WDR47: variants seen among roughly 807,000 people sequenced by gnomAD.
WDR47 encodes the protein WD repeat domain 47, also known as WD repeat-containing protein 47.
A neutral mutation model predicts 97.2 loss-of-function variants in WDR47; 32 were observed. That is an observed-to-expected ratio of 0.33 (90% CI 0.25 to 0.44). The LOEUF is 0.44. Among genes scored for constraint, WDR47 ranks in the 20% least tolerant of loss-of-function variants. The pLI is 1.00. For missense variants in WDR47, 782 were observed against 1,102.3 expected (o/e 0.71, Z 4.11); for synonymous variants, 375 against 373.5 (o/e 1.00, Z -0.05).
intron 7 of WDR47, among the ~76,000 whole-genome samples, chr1:108,998,057 G>C (rs946038539): frequency 1.3e-5 from 2 of 152,138 alleles, no homozygotes; most frequent in African/African-American, 4.8e-5. Context: ...ATATTTATCA[G>C]TTAAAAATTA....
At chr1:108,987,603 G>C (rs1375781007) in intron 9 of WDR47, among the ~76,000 whole-genome samples, 3 of 152,044 alleles carry the variant, frequency 2.0e-5, no homozygotes, top group Non-Finnish European at 4.4e-5. Context: ...GAGCAACTGT[G>C]ATTACAGGTA....
chr1:108,980,738 A>C (rs905174530), intron 13 of WDR47, among the ~76,000 whole-genome samples: 12 of 151,658 alleles, frequency 7.9e-5, no homozygotes, highest in Non-Finnish European at 1.0e-4. Context: ...CAACAACAAC[A>C]ACAACAAAAA....
intron 1 of WDR47, among the ~76,000 whole-genome samples, chr1:109,029,510 A>C (rs1662462889): frequency 6.6e-6 from 1 of 151,880 alleles, no homozygotes; most frequent in Non-Finnish European, 1.5e-5. Flanking sequence ...AAATACAAAA[A>C]TTAGCCGGGC....
At chr1:108,982,174 T>G (rs1239974891) in intron 12 of WDR47, among the ~76,000 whole-genome samples, 1 of 152,120 alleles carries the variant, frequency 6.6e-6, no homozygotes, top group Non-Finnish European at 1.5e-5. Flanking sequence ...TAGAGATTTT[T>G]CACATTTATC....
intron 5 of WDR47, among the ~76,000 whole-genome samples, chr1:109,008,273 CT>C (rs200754295): frequency 1.8e-4 from 27 of 148,922 alleles, no homozygotes; most frequent in Non-Finnish European, 2.4e-4. Flanking sequence ...TCCTATACTT[CT>C]TTTTTTTTTG....
chr1:108,994,908 G>A (rs1571176289), intron 8 of WDR47, among the ~76,000 whole-genome samples: 1 of 152,086 alleles, frequency 6.6e-6, no homozygotes. Flanking sequence ...TATTTATAAA[G>A]TGAATTCCTA....
chr1:108,995,228 G>GA (rs1225311028), intron 8 of WDR47, among the ~76,000 whole-genome samples: 2 of 152,146 alleles, frequency 1.3e-5, no homozygotes, highest in Non-Finnish European at 2.9e-5. Context: ...TCTATGCCCT[G>GA]AAAGTCTGAA....
At chr1:108,971,788 CCTCT>C (rs139269353) in intron 14 of WDR47, among the ~76,000 whole-genome samples, 12 of 148,550 alleles carry the variant, frequency 8.1e-5, no homozygotes, top group African/African-American at 2.7e-4. Context: ...TGACAAGTTG[CCTCT>C]CTCTCTCTCT....
chr1:109,002,433 T>C, intron 6 of WDR47, 31 bp from the exon 7 acceptor site: 1 of 1,487,922 alleles, frequency 6.7e-7, no homozygotes, highest in Non-Finnish European at 9.0e-7. Flanking sequence ...ACATATATAT[T>C]TGAGCAAACT....
At chr1:109,015,982 C>CAAA (rs67794185) in intron 3 of WDR47, among the ~76,000 whole-genome samples, 3 of 98,976 alleles carry the variant, frequency 3.0e-5, no homozygotes, top group Non-Finnish European at 4.1e-5. Flanking sequence ...GACTCCATCT[C>CAAA]AAAAAAAAAA....
chr1:108,995,736 G>C lies in WDR47; in HGVS notation c.1535C>G (p.Ser512Cys). 3 of 1,614,128 alleles carry C rather than the reference G, an allele frequency of 1.9e-6. No individual in the cohort carries two copies. The South Asian group carries it at 3.3e-5, about 18-fold the overall frequency. The change falls in exon 8 of 15, where the codon TCT becomes TGT. Residue 512 changes from serine (S) to cysteine (C), a missense_variant. Physicochemically the swap from Ser to Cys is moderately radical, Grantham distance 112. Coordinates refer to ENST00000369962, the MANE Select transcript of WDR47 (RefSeq NM_001142551.2). ...QQCNGSKGNG[S>C]NGSSVTSFTT... ...AAAACTAGTCACAGAAGAACCATTA[G>C]ATCCATTGCCTTTGCTCCCATTACA...
intron 6 of WDR47, among the ~76,000 whole-genome samples, chr1:109,003,391 ATT>A (rs918462455): frequency 6.6e-6 from 1 of 151,618 alleles, no homozygotes. Context: ...TTTAATTTTA[ATT>A]TTTTTCTTGC....
rs573645353 is a variant in WDR47 at position 109,025,204 on chromosome 1, G to A, written c.-9-1683C>T. Among the ~76,000 whole-genome samples the A allele has an allele frequency of 4.6e-5, 7 of 152,138 alleles. No individual in the cohort carries two copies. In the East Asian group the frequency reaches 5.8e-4, roughly 13 times the overall value. Reference sequence around the variant, plus strand: ...TGTAGTTCCAGCACTTTGAGAGGTCGAGGTGGGAGGATCACATGAGCCCAG... The same window carrying A: ...TGTAGTTCCAGCACTTTGAGAGGTCAAGGTGGGAGGATCACATGAGCCCAG... On this transcript the variant is annotated intron_variant, in intron 1 of 14. Coordinates refer to ENST00000369962, the MANE Select transcript of WDR47 (RefSeq NM_001142551.2).
At chr1:109,002,808 C>T (rs1660317363) in intron 6 of WDR47, among the ~76,000 whole-genome samples, 1 of 152,084 alleles carries the variant, frequency 6.6e-6, no homozygotes, top group African/African-American at 2.4e-5. Flanking sequence ...CTTACCCCAG[C>T]CAGAATGGCC....
In WDR47 at chr1:109,011,419, T is replaced by C. The variant is rs780979933; in HGVS notation, c.627A>G (p.Glu209=). Residue 209 remains glutamate (E), a synonymous_variant, in exon 5 of 15, where the codon GAA becomes GAG. Coordinates refer to ENST00000369962, the MANE Select transcript of WDR47 (RefSeq NM_001142551.2). The stretch of plus-strand genomic sequence containing the variant: ...CTCCAGTTGCTTTACTCTGACAAAA[T>C]TCTACACAGCATTCATAAAGCAGGC... ...MKGLLYECCV[E]FCQSKATGEE... is the part of the protein sequence containing the mutation. The C allele has an allele frequency of 1.1e-5, 17 of 1,614,048 alleles. No individual in the cohort carries two copies. The highest frequency in any genetic ancestry group is 1.7e-5 in the Admixed American group (1 of 59,990).
chr1:109,018,994 A>C, intron 2 of WDR47, among the ~76,000 whole-genome samples: 1 of 152,088 alleles, frequency 6.6e-6, no homozygotes, highest in South Asian at 2.1e-4. Flanking sequence ...GCTTGAGTCA[A>C]GAAGGTCATG....
At chr1:109,018,620 GC>G (rs1157298801) in intron 2 of WDR47, among the ~76,000 whole-genome samples, 5 of 151,890 alleles carry the variant, frequency 3.3e-5, no homozygotes, top group African/African-American at 1.2e-4. Context: ...TTCGAAACCA[GC>G]CTGGGAAACA....
intron 1 of WDR47, among the ~76,000 whole-genome samples, chr1:109,038,581 A>G (rs1269264643): frequency 7.4e-6 from 1 of 135,424 alleles, no homozygotes; most frequent in Non-Finnish European, 1.7e-5. Context: ...CGGGAGGCTG[A>G]GGTAGGAGGA....
chr1:108,997,738 C>A (rs1659864723), intron 7 of WDR47, among the ~76,000 whole-genome samples: 1 of 101,312 alleles, frequency 9.9e-6, no homozygotes, highest in Non-Finnish European at 1.8e-5. Context: ...CCAGCCTGGG[C>A]AACAGAGCAA....
Sources: gnomAD v4.1 joint callset for allele counts (sites outside exome capture counted in the v4.1 genomes callset) on GRCh38, gnomAD v4.1.1 for gene constraint, MANE v1.5 for transcripts, NCBI Gene and HGNC (gene_info 2026-07-23, HGNC 2026-07-21) for gene names.